The following ZFAND3 variants were observed in gnomAD, a reference collection of about 807,000 sequenced individuals.
The protein encoded by ZFAND3 is zinc finger AN1-type containing 3.
Under a neutral mutation model 29.6 loss-of-function variants are expected in ZFAND3, and 10 were observed. That is an observed-to-expected ratio of 0.34 (90% CI 0.21 to 0.57). ZFAND3 has a LOEUF of 0.57. Among genes scored for constraint, ZFAND3 ranks in the 20% least tolerant of loss-of-function variants. The pLI, the probability that ZFAND3 is intolerant of heterozygous loss-of-function variation, is 0.86. For missense variants in ZFAND3, 230 were observed against 304.5 expected, an observed-to-expected ratio of 0.76 and a Z score of 1.82; for synonymous variants, 128 against 112.6, an observed-to-expected ratio of 1.14 and a Z score of -0.87.
At chr6:37,850,699 G>A (rs1764264544) in intron 1 of ZFAND3, among the ~76,000 whole-genome samples, 1 of 152,124 alleles carries the variant, frequency 6.6e-6, no homozygotes, top group Non-Finnish European at 1.5e-5. Flanking sequence ...TATGGTGTTT[G>A]CACAACAATG....
At chr6:37,945,141 G>T (rs956021394) in intron 2 of ZFAND3, among the ~76,000 whole-genome samples, 2 of 152,110 alleles carry the variant, frequency 1.3e-5, no homozygotes, top group African/African-American at 4.8e-5. Flanking sequence ...TGCCATGTTG[G>T]GTCCACTTCG....
intron 1 of ZFAND3, among the ~76,000 whole-genome samples, chr6:37,828,973 C>T (rs1268915911): frequency 2.6e-5 from 4 of 152,042 alleles, no homozygotes; most frequent in African/African-American, 9.7e-5. Flanking sequence ...TCTTTTTCTT[C>T]AGTTGCTGCT....
At chr6:37,986,940 A>C (rs1762681593) in intron 2 of ZFAND3, among the ~76,000 whole-genome samples, 1 of 152,268 alleles carries the variant, frequency 6.6e-6, no homozygotes, top group Non-Finnish European at 1.5e-5. Context: ...CAGGGAATAC[A>C]AAGATAAGTA....
chr6:37,887,452 T>G (rs1765015796), intron 1 of ZFAND3, among the ~76,000 whole-genome samples: 2 of 152,226 alleles, frequency 1.3e-5, no homozygotes, highest in Admixed American at 1.3e-4. Flanking sequence ...GTAACCTTAA[T>G]GTATATTATG....
chr6:37,844,971 C>T (rs556081793), intron 1 of ZFAND3, among the ~76,000 whole-genome samples: 4 of 151,234 alleles, frequency 2.6e-5, no homozygotes, highest in Admixed American at 6.6e-5. Context: ...TTGCAGTGAG[C>T]CGAGATCACG....
At chr6:37,952,388 T>C (rs578039410) in intron 2 of ZFAND3, among the ~76,000 whole-genome samples, 1 of 152,260 alleles carries the variant, frequency 6.6e-6, no homozygotes, top group African/African-American at 2.4e-5. Flanking sequence ...GAACTTGATA[T>C]TGGTCTGCTT....
intron 2 of ZFAND3, among the ~76,000 whole-genome samples, chr6:37,997,504 A>G (rs1370632132): frequency 6.6e-6 from 1 of 152,210 alleles, no homozygotes; most frequent in African/African-American, 2.4e-5. Context: ...ACAAGACTCA[A>G]ATAAAAATAC....
At chr6:37,937,487 T>A (rs1252561678) in intron 2 of ZFAND3, among the ~76,000 whole-genome samples, 1 of 151,800 alleles carries the variant, frequency 6.6e-6, no homozygotes, top group African/African-American at 2.4e-5. Flanking sequence ...AAACCCCGTC[T>A]CTACTAAAAA....
intron 1 of ZFAND3, among the ~76,000 whole-genome samples, chr6:37,859,193 G>A (rs1764436453): frequency 6.6e-6 from 1 of 152,116 alleles, no homozygotes; most frequent in South Asian, 2.1e-4. Flanking sequence ...TCCATTACCT[G>A]CTTTACAGGA....
intron 1 of ZFAND3, among the ~76,000 whole-genome samples, chr6:37,875,650 A>T (rs1398523582): frequency 6.7e-6 from 1 of 148,628 alleles, no homozygotes; most frequent in Non-Finnish European, 1.5e-5. Context: ...TTTTTTTTTT[A>T]AATAGAGATG....
At chr6:37,908,542 T>TAAAAAAAAAAAAA (rs70981504) in intron 1 of ZFAND3, among the ~76,000 whole-genome samples, 13 of 124,108 alleles carry the variant, frequency 1.0e-4, no homozygotes, top group Non-Finnish European at 1.7e-4. Context: ...AAAAAAAAAT[T>TAAAAAAAAAAAAA]AAAAAAAAAA....
At chr6:37,923,105 C>T (rs530548933) in intron 1 of ZFAND3, among the ~76,000 whole-genome samples, 1 of 152,190 alleles carries the variant, frequency 6.6e-6, no homozygotes, top group African/African-American at 2.4e-5. Context: ...TCATTATATC[C>T]TTATTCTATA....
At chr6:38,034,284 G>A (rs1328771092) in intron 2 of ZFAND3, among the ~76,000 whole-genome samples, 1 of 152,108 alleles carries the variant, frequency 6.6e-6, no homozygotes, top group Admixed American at 6.5e-5. Flanking sequence ...GCAAGAAATG[G>A]AGATGTTAAA....
chr6:37,981,904 T>C (rs527338707), intron 2 of ZFAND3, among the ~76,000 whole-genome samples: 19 of 152,256 alleles, frequency 1.2e-4, no homozygotes, highest in African/African-American at 4.6e-4. Context: ...CATCAGTCAG[T>C]ACATGTAAGA....
intron 1 of ZFAND3, among the ~76,000 whole-genome samples, chr6:37,917,725 A>G (rs977157405): frequency 6.6e-5 from 10 of 152,190 alleles, no homozygotes; most frequent in Admixed American, 3.3e-4. Flanking sequence ...TTGGACTGGG[A>G]ATAAGGAAAG....
chr6:38,095,963 G>T (rs556392282), intron 4 of ZFAND3, among the ~76,000 whole-genome samples: 84 of 152,018 alleles, frequency 5.5e-4, no homozygotes, highest in African/African-American at 2.0e-3. Context: ...AGCCCAGGAG[G>T]TCGTGGCTAC....
At chr6:38,020,143 T>A (rs1763321907) in intron 2 of ZFAND3, among the ~76,000 whole-genome samples, 1 of 152,234 alleles carries the variant, frequency 6.6e-6, no homozygotes, top group Non-Finnish European at 1.5e-5. Context: ...AACTGCTGTG[T>A]GAGATAGACA....
chr6:37,867,395 G>A (rs1463101968), intron 1 of ZFAND3, among the ~76,000 whole-genome samples: 2 of 152,200 alleles, frequency 1.3e-5, no homozygotes, highest in East Asian at 3.8e-4. Flanking sequence ...GTGGTCCTAA[G>A]CTTGCTGCTG....
chr6:38,010,904 CTTTTTTT>C (rs35362297), intron 2 of ZFAND3, among the ~76,000 whole-genome samples: 1 of 131,090 alleles, frequency 7.6e-6, no homozygotes, highest in African/African-American at 2.8e-5. Context: ...CCCGGCCCAA[CTTTTTTT>C]TTTTTTTTTT....
Sources: gnomAD v4.1 joint callset for allele counts (sites outside exome capture counted in the v4.1 genomes callset) on GRCh38, gnomAD v4.1.1 for gene constraint, MANE v1.5 for transcripts, NCBI Gene and HGNC (gene_info 2026-07-23, HGNC 2026-07-21) for gene names.